Variants in ADGRL2 observed in about 807,000 individuals in gnomAD.
ADGRL2 encodes adhesion G protein-coupled receptor L2.
Under a neutral mutation model 157.4 loss-of-function variants are expected in ADGRL2, and 44 were observed. The observed-to-expected ratio is 0.28, with a 90% confidence interval of 0.22 to 0.36. The LOEUF (loss-of-function observed/expected upper bound fraction) is 0.36, where lower values mean the gene tolerates loss of function less well. ADGRL2 is among the 10% of genes least tolerant of loss of function. The pLI is 1.00. For synonymous variants in ADGRL2, 585 were observed against 624.7 expected, an observed-to-expected ratio of 0.94 and a Z score of 0.95; for missense variants, 1,510 against 1,768.9, an observed-to-expected ratio of 0.85 and a Z score of 2.63.
At chr1:81,316,922 C>A (rs1660145286) in intron 1 of ADGRL2, among the ~76,000 whole-genome samples, 1 of 152,110 alleles carries the variant, frequency 6.6e-6, no homozygotes, top group African/African-American at 2.4e-5. Context: ...ATCTAGGGAG[C>A]AATGTTGGGA....
At chr1:81,707,580 C>A (rs569725736) in intron 1 of ADGRL2, among the ~76,000 whole-genome samples, 1 of 152,096 alleles carries the variant, frequency 6.6e-6, no homozygotes, top group Non-Finnish European at 1.5e-5. Flanking sequence ...AGTTTAAAAG[C>A]CATGATAATC....
chr1:81,984,815 T>A, intron 20 of ADGRL2, 104 bp downstream of exon 20: 1 of 1,253,724 alleles, frequency 8.0e-7, no homozygotes, highest in Non-Finnish European at 1.1e-6. Flanking sequence ...TATAATGATC[T>A]AGATAGCAAA....
At position 81,341,978 on chromosome 1, in the gene ADGRL2, T is replaced by C. The variant is rs371314078; in HGVS notation, c.-302+35469T>C. ...AATAGAAGATGGGTAGTGGTTACTATTTTTCAGACAAATGTATTCAATGCA... is the reference window on the plus strand; with the variant it reads ...AATAGAAGATGGGTAGTGGTTACTACTTTTCAGACAAATGTATTCAATGCA... On this transcript the variant is annotated intron_variant, in intron 1 of 24. Transcript: ENST00000370721. 1.2e-4 allele frequency among the ~76,000 whole-genome samples: 19 copies of C among 152,296 alleles called. No homozygotes were observed. The East Asian group carries it at 2.9e-3, about 23-fold the overall frequency.
chr1:81,730,064 A>G (rs190077773), intron 1 of ADGRL2, among the ~76,000 whole-genome samples: 1 of 152,204 alleles, frequency 6.6e-6, no homozygotes, highest in Admixed American at 6.5e-5. Flanking sequence ...TAATCCAGTG[A>G]TCCTAGGAAG....
chr1:81,516,914 C>T (rs562742529), intron 2 of ADGRL2, among the ~76,000 whole-genome samples: 15 of 141,624 alleles, frequency 1.1e-4, no homozygotes, highest in South Asian at 7.1e-4. Context: ...ATCTCGGTGG[C>T]GCAGACACAC....
chr1:81,398,242 GTT>G (rs199720354), intron 1 of ADGRL2, among the ~76,000 whole-genome samples: 1 of 150,884 alleles, frequency 6.6e-6, no homozygotes, highest in South Asian at 2.1e-4. Context: ...GCTGAGTCAT[GTT>G]TTTTTTTACA....
At chr1:81,806,084 G>C (rs2089099856) in intron 1 of ADGRL2, among the ~76,000 whole-genome samples, 1 of 152,050 alleles carries the variant, frequency 6.6e-6, no homozygotes, top group South Asian at 2.1e-4. Flanking sequence ...TTTAGAAATG[G>C]AGATAGCTCT....
At chr1:81,743,913 A>C (rs1452677634) in intron 1 of ADGRL2, among the ~76,000 whole-genome samples, 2 of 152,144 alleles carry the variant, frequency 1.3e-5, no homozygotes, top group African/African-American at 4.8e-5. Flanking sequence ...TATAGCAGTT[A>C]TCATAAGTGA....
intron 2 of ADGRL2, among the ~76,000 whole-genome samples, chr1:81,470,251 T>G (rs572607486): frequency 2.6e-5 from 4 of 152,214 alleles, no homozygotes; most frequent in Admixed American, 2.6e-4. Flanking sequence ...ATTATGTACT[T>G]ATTTGAACAA....
chr1:81,691,878 G>GTATATATATA (rs755115574), intron 3 of ADGRL2, among the ~76,000 whole-genome samples: 2,697 of 122,330 alleles, frequency 0.022, 129 homozygotes, highest in African/African-American at 0.076. Context: ...GTGTGTGTGT[G>GTATATATATA]TGTATATATA....
At chr1:81,811,059 C>T (rs577352704) in intron 1 of ADGRL2, among the ~76,000 whole-genome samples, 2 of 151,862 alleles carry the variant, frequency 1.3e-5, no homozygotes, top group African/African-American at 4.8e-5. Context: ...AATGACTTTT[C>T]ATATTGTTAC....
At position 81,950,287 on chromosome 1, in the gene ADGRL2, A is replaced by G. The variant is rs1388522029; in HGVS notation, c.1309A>G (p.Thr437Ala). ...TTCACAGAAAGGCCCCATGAGCACA[A>G]CTGTAGCTGGATCACAGGAAGGAAG... Reference protein sequence around the residue: ...TTSQKGPMSTTVAGSQEGSKG... With the variant: ...TTSQKGPMSTAVAGSQEGSKG... The change falls in exon 7 of 24, where the codon ACT becomes GCT. Residue 437 changes from threonine to alanine, a missense_variant. Thr to Ala is a moderately conservative substitution (Grantham distance 58). Around this residue, in one of 4 missense-constraint regions of ADGRL2, gnomAD observed 325 missense variants for 333.2 expected, o/e 0.98. Transcript: ENST00000686636. The G allele has an allele frequency of 1.9e-6, 3 of 1,614,058 alleles. No homozygotes were observed. Among genetic ancestry groups the G allele is most frequent in the Non-Finnish European group, 2.5e-6 (3 of 1,179,956 alleles).
At chr1:81,642,388 C>G (rs2082238093) in intron 3 of ADGRL2, among the ~76,000 whole-genome samples, 1 of 150,988 alleles carries the variant, frequency 6.6e-6, no homozygotes, top group Non-Finnish European at 1.5e-5. Context: ...CCACTGCACT[C>G]CAGCCTGAGT....
In ADGRL2 at chr1:81,495,191, G is replaced by A. The variant is rs570009571; in HGVS notation, c.-248+50102G>A. Among the ~76,000 whole-genome samples the A allele has an allele frequency of 8.0e-4, 122 of 152,218 alleles. 1 individual carries two copies. The highest frequency in any genetic ancestry group is 2.9e-3 in the African/African-American group (119 of 41,538). ...TCAGTAATCATGGCGGATGTCATTA[G>A]CATATTCCCAATAAGGGAGCTTACG... On this transcript the variant is annotated intron_variant, in intron 2 of 24. Coordinates refer to the ADGRL2 transcript ENST00000370721.
intron 2 of ADGRL2, among the ~76,000 whole-genome samples, chr1:81,777,764 C>A (rs11163366): frequency 0.2 from 30,535 of 151,924 alleles, 3,380 homozygotes; most frequent in African/African-American, 0.29. Context: ...TCTGTTTCAA[C>A]AAAATTTTAA....
chr1:81,972,343 A>G (rs887734139), intron 17 of ADGRL2, among the ~76,000 whole-genome samples: 5 of 152,116 alleles, frequency 3.3e-5, no homozygotes, highest in South Asian at 2.1e-4. Flanking sequence ...CACATCCTCA[A>G]TGCTTTTTAG....
intron 2 of ADGRL2, among the ~76,000 whole-genome samples, chr1:81,520,734 C>T (rs1421382466): frequency 1.3e-5 from 2 of 152,170 alleles, no homozygotes; most frequent in African/African-American, 4.8e-5. Flanking sequence ...GTCAATTAAA[C>T]CTCTTTCCTT....
At chr1:81,727,951 A>G (rs1183735211) in intron 1 of ADGRL2, among the ~76,000 whole-genome samples, 3 of 152,128 alleles carry the variant, frequency 2.0e-5, no homozygotes, top group Non-Finnish European at 4.4e-5. Context: ...ACTGCTAAAT[A>G]CCAGTGTGTA....
At chr1:81,862,242 AATAG>A (rs2093413279) in intron 2 of ADGRL2, among the ~76,000 whole-genome samples, 1 of 152,140 alleles carries the variant, frequency 6.6e-6, no homozygotes, top group Non-Finnish European at 1.5e-5. Context: ...AAATTTCAAA[AATAG>A]ATAATTTTAA....
Sources: gnomAD v4.1 joint callset for allele counts (sites outside exome capture counted in the v4.1 genomes callset) on GRCh38, gnomAD v4.1.1 for gene constraint, gnomAD v4.1.1 regional missense constraint, MANE v1.5 for transcripts, NCBI Gene and HGNC (gene_info 2026-07-23, HGNC 2026-07-21) for gene names.